KERA: variants seen among roughly 807,000 people sequenced by gnomAD.
The protein encoded by KERA is keratocan.
Under a neutral mutation model 26.4 loss-of-function variants are expected in KERA, and 25 were observed. That is an observed-to-expected ratio of 0.95 (90% CI 0.69 to 1.32). KERA has a LOEUF of 1.32. KERA is among the 40% of genes most tolerant of loss of function. The probability of loss-of-function intolerance (pLI) is 0.00; values close to 1 mark genes in which losing one functional copy is unlikely to be tolerated. For missense variants in KERA, 434 were observed against 408.9 expected (o/e 1.06, Z -0.53); for synonymous variants, 167 against 146.1 (o/e 1.14, Z -1.03).
At chr12:91,051,626 T>C (rs1353629297) in intron 2 of KERA, 108 bp from the exon 3 acceptor site, 4 of 768,640 alleles carry the variant, frequency 5.2e-6, no homozygotes, top group South Asian at 1.4e-5. Flanking sequence ...AGTGGCCTAA[T>C]ATATGAAAAT....
chr12:91,057,093 A>C (rs1194926686), intron 1 of KERA, among the ~76,000 whole-genome samples: 1 of 150,650 alleles, frequency 6.6e-6, no homozygotes, highest in Non-Finnish European at 1.5e-5. Context: ...GATGTATAGC[A>C]CAAGTACATG....
At position 91,051,134 on chromosome 12, in the gene KERA, G is replaced by A. The variant is rs372418610; in HGVS notation, c.*212C>T. The A allele has an allele frequency of 7.5e-5, 40 of 532,970 alleles. 1 individual carries two copies. In the East Asian group the frequency reaches 7.8e-4, roughly 10 times the overall value. 33.0% of individuals were successfully genotyped at this position (532,970 alleles called of 1,614,324 possible). A position where few individuals can be genotyped will look rare whatever the true frequency, so the allele number is the denominator to read the frequency against. On this transcript the variant is annotated 3_prime_UTR_variant, in exon 3 of 3. Coordinates refer to ENST00000266719, the MANE Select transcript of KERA (RefSeq NM_007035.4). ...GATAAACTATCTTAACTCTGTGTCT[G>A]TTTTATTAATTAAAAGAAAAGCAAA...
rs1262356423 is a variant in KERA at position 91,055,915 on chromosome 12, A to G, written c.367T>C (p.Leu123=). 1.1e-5 allele frequency: 17 copies of G among 1,610,998 alleles called. No homozygotes were observed. Among genetic ancestry groups the G allele is most frequent in the Non-Finnish European group, 1.4e-5 (17 of 1,178,164 alleles). The change falls in exon 2 of 3, where the codon TTG becomes CTG. Residue 123 remains leucine, a synonymous_variant. Coordinates refer to ENST00000266719, the MANE Select transcript of KERA (RefSeq NM_007035.4). ...TTATCTTCCAGAAATAAGAAGAGCA[A>G]CTTCTTCAGCTGGCTTAGGGCTCCT... is the stretch of plus-strand genomic sequence containing the variant. The part of the protein sequence containing the change: ...EKGALSQLKK[L]LFLFLEDNEL...
chr12:91,051,283 G>A lies in KERA; in HGVS notation c.*63C>T, dbSNP rs977743757. On this transcript the variant is annotated 3_prime_UTR_variant, in exon 3 of 3. Coordinates refer to ENST00000266719, the MANE Select transcript of KERA (RefSeq NM_007035.4). ...TGACTTGTGTCCTAAACCTATTAAT[G>A]GTAACCACATTTCATGTCAGAAACA... is the stretch of plus-strand genomic sequence containing the variant. The A allele has an allele frequency of 7.3e-7, 1 of 1,364,436 alleles. No homozygotes were observed. The highest frequency in any genetic ancestry group is 1.4e-5 in the African/African-American group (1 of 69,750). The allele number at this position is 1,364,436 out of a possible 1,614,324, so 84.5% of individuals were successfully genotyped here. A position where few individuals can be genotyped will look rare whatever the true frequency, so the allele number is the denominator to read the frequency against.
chr12:91,053,334 A>G (rs957577428), intron 2 of KERA, among the ~76,000 whole-genome samples: 4 of 151,316 alleles, frequency 2.6e-5, no homozygotes, highest in African/African-American at 9.7e-5. Context: ...ATTCATGACA[A>G]TGAAGGAAAG....
chr12:91,055,895 T>G lies in KERA; in HGVS notation c.387A>C (p.Glu129Asp), dbSNP rs1336855518. The change falls in exon 2 of 3, where the codon GAA becomes GAC. Residue 129 changes from glutamate (E) to aspartate (D), a missense_variant. Physicochemically the swap from Glu to Asp is conservative, Grantham distance 45. Transcript: ENST00000266719. ...QLKKLLFLFL[E>D]DNELEEVPSP... ...AAGGTACCTCCTCTAGCTCATTATC[T>G]TCCAGAAATAAGAAGAGCAACTTCT... The G allele has an allele frequency of 6.2e-7, 1 of 1,611,298 alleles. No homozygotes were observed. Among genetic ancestry groups the G allele is most frequent in the African/African-American group, 1.3e-5 (1 of 74,772 alleles).
intron 2 of KERA, among the ~76,000 whole-genome samples, chr12:91,053,799 C>T (rs1247392099): frequency 6.6e-6 from 1 of 151,322 alleles, no homozygotes. Context: ...TTAAATACTG[C>T]TGCCTCACTC....
Position 91,055,822 on chromosome 12 carries a change from C to T in KERA, c.460G>A (p.Val154Met). Residue 154 changes from valine (V) to methionine (M), a missense_variant, in exon 2 of 3, where the codon GTG becomes ATG. Val to Met is a conservative substitution (Grantham distance 21). Transcript: ENST00000266719. ...AAGGTCCCTTGAGGAATTCTGGACACCTTATTTCTAGCTAATTGTAATTGT... is the reference window on the plus strand; with the variant it reads ...AAGGTCCCTTGAGGAATTCTGGACATCTTATTTCTAGCTAATTGTAATTGT... ...LEQLQLARNK[V>M]SRIPQGTFSN... 6.2e-7 allele frequency: 1 copy of T among 1,611,298 alleles called. No homozygotes were observed. Among genetic ancestry groups the T allele is most frequent in the East Asian group, 2.2e-5 (1 of 44,790 alleles).
At position 91,051,386 on chromosome 12, in the gene KERA, A is replaced by G. The variant is rs560931338; in HGVS notation, c.1019T>C (p.Leu340Ser). ...CTGCAGAAGTCTGAAGCAGGTCATT[A>G]AAGCCATTGGAATTGGTGGTTTGAT... ...NEIKPPIPMA[L>S]MTCFRLLQAV... is the part of the protein sequence containing the mutation. The change falls in exon 3 of 3, where the codon TTA (leucine) becomes TCA (serine). Residue 340 changes from leucine (L) to serine (S), a missense_variant. Leu to Ser is a moderately radical substitution (Grantham distance 145). Transcript: ENST00000266719. The G allele has an allele frequency of 1.4e-5, 22 of 1,611,410 alleles. No homozygotes were observed. Among genetic ancestry groups the G allele is most frequent in the Middle Eastern group, 1.7e-4 (1 of 6,044 alleles).
At chr12:91,053,627 G>T (rs1878917815) in intron 2 of KERA, among the ~76,000 whole-genome samples, 1 of 151,244 alleles carries the variant, frequency 6.6e-6, no homozygotes, top group Non-Finnish European at 1.5e-5. Flanking sequence ...ACAGCAACCT[G>T]GGTTTATAAG....
At chr12:91,051,612 G>T in intron 2 of KERA, 94 bp from the exon 3 acceptor site, 2 of 860,732 alleles carry the variant, frequency 2.3e-6, no homozygotes, top group South Asian at 2.7e-5. Context: ...CCTATGGAGG[G>T]CTTAGTGGCC....
intron 2 of KERA, among the ~76,000 whole-genome samples, chr12:91,054,187 C>A (rs1188776299): frequency 6.6e-6 from 1 of 151,054 alleles, no homozygotes; most frequent in Non-Finnish European, 1.5e-5. Context: ...CTCCCCCCAC[C>A]AAAAAAACAA....
rs121917860 is a variant in KERA, at chr12:91,055,762, G to A, written c.520C>T (p.Gln174Ter). The change falls in exon 2 of 3, where the codon CAG (glutamine) becomes TAG (stop). Residue 174 changes from glutamine to a stop codon, truncating the protein, a stop_gained. Transcript: ENST00000266719. LOFTEE classifies it high-confidence loss of function. ...GCATTGTCCACTAATTTGTTGTTCT[G>A]TAGGTCAAGAAGGGTCAGGTTCTCC... The part of the protein sequence containing the change: ...NLENLTLLDL[Q>*]NNKLVDNAFQ... 1 of 1,611,390 alleles carries A rather than the reference G, an allele frequency of 6.2e-7. No homozygotes were observed. Among genetic ancestry groups the A allele is most frequent in the East Asian group, 2.2e-5 (1 of 44,780 alleles).
intron 2 of KERA, among the ~76,000 whole-genome samples, chr12:91,052,458 A>G (rs1878891676): frequency 6.6e-6 from 1 of 151,582 alleles, no homozygotes; most frequent in African/African-American, 2.4e-5. Flanking sequence ...CTATTGTTTT[A>G]TATAGATTCA....
At chr12:91,056,972 TCC>T (rs1365840666) in intron 1 of KERA, among the ~76,000 whole-genome samples, 1 of 145,750 alleles carries the variant, frequency 6.9e-6, no homozygotes, top group African/African-American at 2.7e-5. Context: ...TCTCTCTCTC[TCC>T]CTTTCTCTCT....
rs539537384 is a variant in KERA at position 91,055,668 on chromosome 12, C to T, written c.614G>A (p.Arg205Lys). The change falls in exon 2 of 3, where the codon AGG becomes AAG. Residue 205 changes from arginine (R) to lysine (K), a missense_variant. Transcript: ENST00000266719. The stretch of plus-strand genomic sequence containing the variant: ...GGCTGGTAATCTTGGAGGCATATTC[C>T]TCAGGGCATTCTTGGCCATGTTTAG... ...MQLNMAKNALRNMPPRLPANT... is the reference protein window; with the variant it reads ...MQLNMAKNALKNMPPRLPANT... 6.2e-7 allele frequency: 1 copy of T among 1,611,318 alleles called. No homozygotes were observed. Among genetic ancestry groups the T allele is most frequent in the Non-Finnish European group, 8.5e-7 (1 of 1,178,210 alleles).
At chr12:91,053,301 G>A (rs902005097) in intron 2 of KERA, among the ~76,000 whole-genome samples, 10 of 151,116 alleles carry the variant, frequency 6.6e-5, no homozygotes, top group Admixed American at 1.3e-4. Context: ...CTTTTCTACT[G>A]ATAGAATTTT....
rs138807366 is a variant in KERA at position 91,056,077 on chromosome 12, T to C, written c.205A>G (p.Ile69Val). 5 of 1,608,416 alleles carry C rather than the reference T, an allele frequency of 3.1e-6. No homozygotes were observed. In the African/African-American group the frequency reaches 4.0e-5, roughly 13 times the overall value. The change falls in exon 2 of 3, where the codon ATT becomes GTT. Residue 69 changes from isoleucine to valine, a missense_variant. By Grantham distance (29) the Ile-to-Val change is conservative. Coordinates refer to ENST00000266719, the MANE Select transcript of KERA (RefSeq NM_007035.4). Reference sequence around the variant, plus strand: ...TAAAGATACCAAATTCTTGAAGGAATAGCAGGAATTTCTTTGAGACCTCTA... The same window carrying C: ...TAAAGATACCAAATTCTTGAAGGAACAGCAGGAATTTCTTTGAGACCTCTA... ...ENRGLKEIPAIPSRIWYLYLQ... is the reference protein window; with the variant it reads ...ENRGLKEIPAVPSRIWYLYLQ...
chr12:91,054,477 G>T (rs1322567457), intron 2 of KERA, among the ~76,000 whole-genome samples: 1 of 151,194 alleles, frequency 6.6e-6, no homozygotes, highest in Middle Eastern at 3.2e-3. Context: ...GCTAGGTATC[G>T]TACCCCTGTG....
Sources: allele counts gnomAD v4.1 joint callset (sites outside exome capture counted in the v4.1 genomes callset), GRCh38; gene constraint gnomAD v4.1.1; transcripts MANE v1.5; gene names NCBI Gene and HGNC (gene_info 2026-07-23, HGNC 2026-07-21).